Variants in DNAAF1 observed in about 807,000 individuals in gnomAD.
DNAAF1 encodes the protein dynein assembly factor 1, axonemal.
A neutral mutation model predicts 71.1 loss-of-function variants in DNAAF1; 65 were observed. The observed-to-expected ratio is 0.91, with a 90% CI of 0.75 to 1.12. The LOEUF is 1.12. Among genes scored for constraint, DNAAF1 ranks in the 50% most tolerant of loss-of-function variants. The pLI is 0.00. For missense variants in DNAAF1, 1,178 were observed against 899.8 expected, an observed-to-expected ratio of 1.31 and a Z score of -3.96; for synonymous variants, 414 against 354.6, an observed-to-expected ratio of 1.17 and a Z score of -1.88.
intron 9 of DNAAF1, chr16:84,173,316 T>C (rs4580143): frequency 0.093 from 63,845 of 686,424 alleles, 3,303 homozygotes; most frequent in South Asian, 0.17. Flanking sequence ...AGAAAAAAAT[T>C]AGCCAGGTGT....
Position 84,145,516 on chromosome 16 carries a change from G to T in DNAAF1, c.76G>T (p.Glu26Ter). ...LDCAQEPGVE[E>*]SAGDHGSAGR... The stretch of plus-strand genomic sequence containing the variant: ...TTGCGCGCAGGAGCCCGGCGTGGAG[G>T]AGTCTGCGGGTGACCACGGGAGCGC... The change falls in exon 1 of 12, where the codon GAG becomes TAG. Residue 26 changes from glutamate (E) to a stop codon, truncating the protein, a stop_gained. Coordinates refer to ENST00000378553, the MANE Select transcript of DNAAF1 (RefSeq NM_178452.6). LOFTEE classifies it high-confidence loss of function. 3.2e-6 allele frequency: 5 copies of T among 1,558,654 alleles called. No individual in the cohort carries two copies. Among genetic ancestry groups the T allele is most frequent in the Non-Finnish European group, 4.3e-6 (5 of 1,151,068 alleles).
At chr16:84,177,375 A>T (rs1019968381) in intron 11 of DNAAF1, 2 of 355,740 alleles carry the variant, frequency 5.6e-6, no homozygotes, top group Non-Finnish European at 1.1e-5. Flanking sequence ...TCCTAGGTTC[A>T]AGCAATTCTC....
At chr16:84,156,753 G>T (rs963612206) in intron 5 of DNAAF1, among the ~76,000 whole-genome samples, 2 of 151,928 alleles carry the variant, frequency 1.3e-5, no homozygotes, top group African/African-American at 4.8e-5. Context: ...AGTGGTTCAT[G>T]CAGTTCATGC....
chr16:84,166,642 G>T (rs1291534853), intron 7 of DNAAF1, among the ~76,000 whole-genome samples: 2 of 152,126 alleles, frequency 1.3e-5, no homozygotes, highest in Admixed American at 1.3e-4. Flanking sequence ...CAAAGTGCTG[G>T]GATTATAGGC....
At chr16:84,161,218 C>T (rs899963833) in intron 6 of DNAAF1, among the ~76,000 whole-genome samples, 8 of 152,168 alleles carry the variant, frequency 5.3e-5, no homozygotes, top group Admixed American at 1.3e-4. Flanking sequence ...TGCAGGACTC[C>T]GAGCAGGTGC....
chr16:84,148,839 C>T (rs768966441), intron 1 of DNAAF1, among the ~76,000 whole-genome samples, 168 bp from the exon 2 acceptor site: 1 of 151,706 alleles, frequency 6.6e-6, no homozygotes, highest in Non-Finnish European at 1.5e-5. Flanking sequence ...ATCTACCTGC[C>T]TCAGCCTCCC....
Position 84,166,368 on chromosome 16 carries a change from T to C in DNAAF1, c.1030+419T>C, listed in dbSNP as rs374579162. ...GTGCCCAGCCTTGGATTTTCTTTTT[T>C]TCTTTTTTTTTTTTTTTTTTTTGGT... On this transcript the variant is annotated intron_variant, in intron 7 of 11. Transcript: ENST00000378553. Among the ~76,000 whole-genome samples the C allele has an allele frequency of 3.1e-3, 451 of 145,796 alleles. 2 individuals are homozygous for C. Among genetic ancestry groups the C allele is most frequent in the African/African-American group, 0.011 (424 of 38,440 alleles).
intron 7 of DNAAF1, among the ~76,000 whole-genome samples, chr16:84,166,896 C>T (rs1450572719): frequency 6.6e-6 from 1 of 152,222 alleles, no homozygotes; most frequent in African/African-American, 2.4e-5. Flanking sequence ...TCTCAACACT[C>T]AGCACACTTG....
At chr16:84,146,305 T>G (rs11865463) in intron 1 of DNAAF1, among the ~76,000 whole-genome samples, 1 of 152,172 alleles carries the variant, frequency 6.6e-6, no homozygotes, top group Non-Finnish European at 1.5e-5. Context: ...GCAAGACATC[T>G]TGATTGAATT....
intron 3 of DNAAF1, among the ~76,000 whole-genome samples, chr16:84,152,693 C>T: frequency 6.6e-6 from 1 of 150,734 alleles, no homozygotes; most frequent in East Asian, 2.0e-4. Flanking sequence ...GTGGCTCACA[C>T]CTGTAATCCC....
intron 5 of DNAAF1, among the ~76,000 whole-genome samples, chr16:84,156,155 G>T (rs2087417414): frequency 6.6e-6 from 1 of 152,036 alleles, no homozygotes; most frequent in South Asian, 2.1e-4. Context: ...TAGATTCAGG[G>T]TTTCATCATG....
At chr16:84,154,838 G>T (rs924314105) in intron 4 of DNAAF1, 40 bp downstream of exon 4, 2 of 1,460,994 alleles carry the variant, frequency 1.4e-6, no homozygotes, top group Non-Finnish European at 1.9e-6. Flanking sequence ...TTTGCCATAT[G>T]TCCATCACCT....
intron 5 of DNAAF1, among the ~76,000 whole-genome samples, chr16:84,156,685 C>G (rs149491014): frequency 1.1e-3 from 167 of 152,312 alleles, no homozygotes; most frequent in African/African-American, 3.9e-3. Context: ...CTCACTCTCT[C>G]AGCATCTGTT....
At chr16:84,154,931 C>CA in intron 4 of DNAAF1, 133 bp downstream of exon 4, 1 of 815,336 alleles carries the variant, frequency 1.2e-6, no homozygotes, top group South Asian at 1.5e-5. Flanking sequence ...TTTTTTGAGA[C>CA]AGAGTCTTGC....
chr16:84,176,869 G>C (rs539027186), intron 11 of DNAAF1: 8 of 176,116 alleles, frequency 4.5e-5, no homozygotes, highest in African/African-American at 1.9e-4. Context: ...AGAAGACCCA[G>C]AAAAACATGC....
intron 6 of DNAAF1, among the ~76,000 whole-genome samples, chr16:84,161,569 T>C (rs1201780665): frequency 6.6e-6 from 1 of 152,064 alleles, no homozygotes; most frequent in Non-Finnish European, 1.5e-5. Context: ...TCTCACTATG[T>C]TGTCAAGGCC....
At chr16:84,174,208 C>G (rs2088533246) in intron 9 of DNAAF1, 48 of 1,028,764 alleles carry the variant, frequency 4.7e-5, no homozygotes, top group Non-Finnish European at 5.4e-5. Context: ...CAACCACGCA[C>G]TGGTTGTTAT....
At chr16:84,163,264 TC>T (rs969923767) in intron 6 of DNAAF1, among the ~76,000 whole-genome samples, 6 of 152,178 alleles carry the variant, frequency 3.9e-5, no homozygotes, top group African/African-American at 1.4e-4. Context: ...CACATGGTTT[TC>T]CAAAGCAGCT....
intron 9 of DNAAF1, chr16:84,172,646 A>G: frequency 7.7e-7 from 1 of 1,298,416 alleles, no homozygotes; most frequent in East Asian, 3.6e-5. Context: ...CTACCCTTGA[A>G]CCATGTCTAC....
Sources: gnomAD v4.1 joint callset for allele counts (sites outside exome capture counted in the v4.1 genomes callset) on GRCh38, gnomAD v4.1.1 for gene constraint, MANE v1.5 for transcripts, NCBI Gene and HGNC (gene_info 2026-07-23, HGNC 2026-07-21) for gene names.